The following PALLD variants were observed in gnomAD, a reference collection of about 807,000 sequenced individuals.
PALLD encodes palladin.
Under a neutral mutation model 123.5 loss-of-function variants are expected in PALLD, and 61 were observed. The ratio of observed to expected loss-of-function variants is 0.49; its 90% CI spans 0.40 to 0.61. The LOEUF is 0.61. Ranked by LOEUF, PALLD falls within the 20% of genes least tolerant of loss-of-function variation. PALLD has a pLI of 0.00. For missense variants in PALLD, 1,273 were observed against 1,377.0 expected, an observed-to-expected ratio of 0.92 and a Z score of 1.20; for synonymous variants, 465 against 496.4, an observed-to-expected ratio of 0.94 and a Z score of 0.84.
chr4:168,710,483 A>C (rs1047508842), intron 9 of PALLD, among the ~76,000 whole-genome samples: 1 of 152,202 alleles, frequency 6.6e-6, no homozygotes, highest in Non-Finnish European at 1.5e-5. Context: ...AGAACAACTG[A>C]ATTGTACTTG....
intron 2 of PALLD, among the ~76,000 whole-genome samples, chr4:168,613,050 G>A (rs1773890403): frequency 6.6e-6 from 1 of 152,188 alleles, no homozygotes; most frequent in Non-Finnish European, 1.5e-5. Context: ...TCAGTAACTA[G>A]TGGAGAAAAA....
chr4:168,652,830 C>A (rs1418754579), intron 2 of PALLD, among the ~76,000 whole-genome samples: 2 of 152,160 alleles, frequency 1.3e-5, no homozygotes, highest in Non-Finnish European at 2.9e-5. Flanking sequence ...AATAAACCAT[C>A]CTAATTAGAA....
chr4:168,845,635 G>A (rs112038246), intron 10 of PALLD, among the ~76,000 whole-genome samples: 98 of 152,204 alleles, frequency 6.4e-4, no homozygotes, highest in African/African-American at 1.9e-3. Flanking sequence ...TTTGGTATCC[G>A]AAGGGTTCCT....
At chr4:168,883,621 C>G (rs943479787) in intron 10 of PALLD, among the ~76,000 whole-genome samples, 2 of 152,144 alleles carry the variant, frequency 1.3e-5, no homozygotes, top group African/African-American at 2.4e-5. Context: ...AAAAAGAGAC[C>G]TCTTGGGATT....
chr4:168,874,826 T>C (rs1278881316), intron 10 of PALLD, among the ~76,000 whole-genome samples: 1 of 152,166 alleles, frequency 6.6e-6, no homozygotes, highest in African/African-American at 2.4e-5. Flanking sequence ...GTGCCAGGTC[T>C]AGACGGTCCC....
intron 2 of PALLD, among the ~76,000 whole-genome samples, chr4:168,623,598 C>T (rs1020600372): frequency 6.6e-6 from 1 of 152,106 alleles, no homozygotes; most frequent in East Asian, 1.9e-4. Context: ...CAGAAGGAAG[C>T]CCTGTACAAG....
At chr4:168,889,403 A>AT (rs1753844896) in intron 10 of PALLD, among the ~76,000 whole-genome samples, 1 of 151,854 alleles carries the variant, frequency 6.6e-6, no homozygotes, top group Non-Finnish European at 1.5e-5. Context: ...ACCTCAGGGG[A>AT]TTCACCCACC....
chr4:168,635,239 C>T (rs918055681), intron 2 of PALLD, among the ~76,000 whole-genome samples: 4 of 152,166 alleles, frequency 2.6e-5, no homozygotes, highest in South Asian at 2.1e-4. Flanking sequence ...ATATACCCTA[C>T]GATTAATAAT....
intron 10 of PALLD, among the ~76,000 whole-genome samples, chr4:168,778,197 A>T (rs1387612777): frequency 2.0e-5 from 3 of 152,122 alleles, no homozygotes; most frequent in Non-Finnish European, 4.4e-5. Context: ...CAACTTTTGA[A>T]AAAGAAAAAG....
At chr4:168,580,354 C>T (rs1279892424) in intron 2 of PALLD, among the ~76,000 whole-genome samples, 1 of 151,568 alleles carries the variant, frequency 6.6e-6, no homozygotes, top group Non-Finnish European at 1.5e-5. Context: ...ATACATGTGG[C>T]CACCAAGCAT....
intron 2 of PALLD, among the ~76,000 whole-genome samples, chr4:168,618,997 G>A (rs1390530166): frequency 1.3e-5 from 2 of 152,180 alleles, no homozygotes; most frequent in African/African-American, 2.4e-5. Context: ...AACATGTAAT[G>A]TGCAGTTTTA....
chr4:168,720,913 T>A (rs1263309158), intron 10 of PALLD, among the ~76,000 whole-genome samples: 1 of 152,210 alleles, frequency 6.6e-6, no homozygotes, highest in Non-Finnish European at 1.5e-5. Flanking sequence ...TTAATGTAAA[T>A]ACTGGCTCTG....
intron 11 of PALLD, among the ~76,000 whole-genome samples, chr4:168,893,949 C>G (rs1194483127): frequency 2.0e-5 from 3 of 152,196 alleles, no homozygotes; most frequent in Non-Finnish European, 4.4e-5. Context: ...GCATCATTCT[C>G]TGTGGATTAT....
intron 21 of PALLD, among the ~76,000 whole-genome samples, chr4:168,925,546 T>C (rs1169928118): frequency 6.6e-6 from 1 of 152,206 alleles, no homozygotes; most frequent in Non-Finnish European, 1.5e-5. Context: ...CTTAGTGCTT[T>C]TCTCATTAAT....
intron 14 of PALLD, 28 bp from the exon 15 acceptor site, chr4:168,903,728 TA>T (rs1560891410): frequency 2.5e-6 from 4 of 1,589,356 alleles, no homozygotes; most frequent in Non-Finnish European, 2.6e-6. Context: ...CACAAACTCC[TA>T]ATCTTTAATC....
At chr4:168,534,655 C>A (rs1764923777) in intron 2 of PALLD, among the ~76,000 whole-genome samples, 1 of 152,152 alleles carries the variant, frequency 6.6e-6, no homozygotes, top group Non-Finnish European at 1.5e-5. Flanking sequence ...TTCTGAACTT[C>A]TCCAGTACAT....
At chr4:168,913,411 A>G (rs1019965100) in intron 15 of PALLD, among the ~76,000 whole-genome samples, 4 of 152,152 alleles carry the variant, frequency 2.6e-5, no homozygotes, top group African/African-American at 9.7e-5. Context: ...TGCTGGCATT[A>G]CAGGCATGAG....
At chr4:168,898,823 A>G (rs967295225) in intron 14 of PALLD, 109 bp downstream of exon 14, 19 of 782,312 alleles carry the variant, frequency 2.4e-5, no homozygotes, top group Non-Finnish European at 3.8e-5. Flanking sequence ...CTTTCTCAAT[A>G]CCCACGATAT....
chr4:168,506,944 A>G (rs1762067403), intron 1 of PALLD, among the ~76,000 whole-genome samples: 1 of 152,052 alleles, frequency 6.6e-6, no homozygotes, highest in Non-Finnish European at 1.5e-5. Flanking sequence ...CTTCCCTGTG[A>G]TTATTCGAAG....
Sources: gnomAD v4.1 joint callset for allele counts (sites outside exome capture counted in the v4.1 genomes callset) on GRCh38, gnomAD v4.1.1 for gene constraint, MANE v1.5 for transcripts, NCBI Gene and HGNC (gene_info 2026-07-23, HGNC 2026-07-21) for gene names.